Variants in SYTL5 observed in about 807,000 individuals in gnomAD.
SYTL5 encodes the protein synaptotagmin like 5, also known as synaptotagmin-like protein 5.
A neutral mutation model predicts 55.9 loss-of-function variants in SYTL5; 34 were observed. The ratio of observed to expected loss-of-function variants is 0.61; its 90% CI spans 0.46 to 0.81. The LOEUF (loss-of-function observed/expected upper bound fraction) is 0.81, where lower values mean the gene tolerates loss of function less well. Ranked by LOEUF, SYTL5 falls within the 30% of genes least tolerant of loss-of-function variation. The pLI is 0.00. For synonymous variants in SYTL5, 221 were observed against 188.7 expected (o/e 1.17, Z -1.40); for missense variants, 637 against 546.7 (o/e 1.17, Z -1.65).
At chrX:38,111,743 G>A (rs1937366086) in intron 13 of SYTL5, among the ~76,000 whole-genome samples, 1 of 111,945 alleles carries the variant, frequency 8.9e-6, no homozygotes, top group African/African-American at 3.2e-5. Context: ...CCAAATCAGT[G>A]CATTGGGCCT....
chrX:38,006,023 A>G (rs1933979466), upstream of SYTL5, among the ~76,000 whole-genome samples: 1 of 112,214 alleles, frequency 8.9e-6, no homozygotes, highest in African/African-American at 3.2e-5. Context: ...TAAAAGTCAT[A>G]CATACATAGC....
At chrX:37,891,931 C>T in the SYTL5 span, among the ~76,000 whole-genome samples, 3 of 111,483 alleles carry the variant, frequency 2.7e-5, no homozygotes, top group Non-Finnish European at 5.7e-5. Flanking sequence ...ACTTCTGCCC[C>T]AAATTGTTCA....
At chrX:38,044,405 T>G (rs73465438) in intron 2 of SYTL5, among the ~76,000 whole-genome samples, 10,981 of 111,681 alleles carry the variant, frequency 0.098, 879 homozygotes, top group Admixed American at 0.23. Context: ...TAATTTAGTT[T>G]GCACAAATTC....
chrX:38,073,567 T>C (rs761397994), intron 4 of SYTL5, 23 bp from the exon 5 acceptor site: 40 of 1,093,803 alleles, frequency 3.7e-5, no homozygotes, highest in Non-Finnish European at 4.3e-5. Context: ...TGTAAATTTC[T>C]CTTCTGATTG....
rs952884300 is a variant in SYTL5 at position 38,127,628 on chromosome X, T to C, written c.*898T>C. The C allele has an allele frequency of 8.9e-6, 1 of 112,257 alleles. No homozygotes were observed. Among genetic ancestry groups the C allele is most frequent in the African/African-American group, 3.2e-5 (1 of 30,865 alleles). 9.3% of individuals were successfully genotyped at this position (112,257 alleles called of 1,213,427 possible). A position where few individuals can be genotyped will look rare whatever the true frequency, so the allele number is the denominator to read the frequency against. On this transcript the variant is annotated 3_prime_UTR_variant, in exon 17 of 17. Transcript: ENST00000297875. ...GGAGAGAATCAAAGACTCCATCTGC[T>C]CTCTTCCCCCTTGTTTTCTCCTTCA...
chrX:37,991,887 A>T, the SYTL5 span, among the ~76,000 whole-genome samples: 1 of 112,061 alleles, frequency 8.9e-6, no homozygotes, highest in African/African-American at 3.2e-5. Context: ...TGAGACAGGG[A>T]TTATTAGCTA....
At chrX:38,077,870 A>G (rs1348604982) in intron 6 of SYTL5, among the ~76,000 whole-genome samples, 1 of 111,539 alleles carries the variant, frequency 9.0e-6, no homozygotes, top group Non-Finnish European at 1.9e-5. Context: ...AAAACTTTCT[A>G]TAAACATCTC....
the SYTL5 span, among the ~76,000 whole-genome samples, chrX:37,925,362 T>C: frequency 9.0e-6 from 1 of 111,388 alleles, no homozygotes; most frequent in Non-Finnish European, 1.9e-5. Flanking sequence ...CAGATGTCGT[T>C]TTGATATACA....
At chrX:37,957,858 G>A in the SYTL5 span, among the ~76,000 whole-genome samples, 1 of 112,246 alleles carries the variant, frequency 8.9e-6, no homozygotes, top group East Asian at 2.8e-4. Flanking sequence ...GCTTTAGGTA[G>A]TATAGGTATT....
At chrX:38,010,091 T>C (rs967834489) in intron 1 of SYTL5, among the ~76,000 whole-genome samples, 1 of 112,322 alleles carries the variant, frequency 8.9e-6, no homozygotes, top group Admixed American at 9.4e-5. Flanking sequence ...CTGCATGAAA[T>C]TGAGAAAACT....
At chrX:38,028,130 TCTC>T (rs1445650393) in intron 1 of SYTL5, among the ~76,000 whole-genome samples, 3 of 111,754 alleles carry the variant, frequency 2.7e-5, no homozygotes, top group Admixed American at 9.5e-5. Context: ...AGCCAATTCT[TCTC>T]CTCTTGAGGT....
At chrX:38,119,815 C>A (rs953764747) in intron 13 of SYTL5, among the ~76,000 whole-genome samples, 1 of 112,281 alleles carries the variant, frequency 8.9e-6, no homozygotes, top group Non-Finnish European at 1.9e-5. Context: ...TTTGAGTGAA[C>A]CACTTTCTCC....
intron 2 of SYTL5, among the ~76,000 whole-genome samples, chrX:38,035,448 G>A (rs955223616): frequency 7.2e-5 from 8 of 111,284 alleles, no homozygotes; most frequent in Admixed American, 9.5e-5. Context: ...AAAATTAGCC[G>A]GGCGTGGTGG....
chrX:38,106,575 C>T lies in SYTL5; in HGVS notation c.1156-18C>T, dbSNP rs1346629432. 9 of 1,153,860 alleles carry T rather than the reference C, an allele frequency of 7.8e-6. No homozygotes were observed. The Admixed American group carries it at 8.2e-5, about 11-fold the overall frequency. On this transcript the variant is annotated intron_variant, in intron 10 of 16. Transcript: ENST00000297875. The stretch of plus-strand genomic sequence containing the variant: ...TTAGAATGACACTAGAAGCCTTTTT[C>T]CATCTTGTTTATTCCAGACCAGCCT...
the SYTL5 span, among the ~76,000 whole-genome samples, chrX:37,892,741 A>C: frequency 2.1e-4 from 19 of 92,108 alleles, no homozygotes; most frequent in African/African-American, 7.3e-4. Context: ...TACGTATATT[A>C]GTATATATGT....
chrX:37,928,036 T>C, the SYTL5 span, among the ~76,000 whole-genome samples: 1 of 112,200 alleles, frequency 8.9e-6, no homozygotes, highest in Non-Finnish European at 1.9e-5. Flanking sequence ...TGAGTTGATA[T>C]GGAAAAGAAA....
At chrX:37,939,978 T>C in the SYTL5 span, among the ~76,000 whole-genome samples, 1 of 110,507 alleles carries the variant, frequency 9.0e-6, no homozygotes, top group Non-Finnish European at 1.9e-5. Flanking sequence ...ACTACAGGCG[T>C]GCGCCACCAT....
the SYTL5 span, among the ~76,000 whole-genome samples, chrX:37,895,834 A>G: frequency 8.9e-6 from 1 of 111,741 alleles, no homozygotes; most frequent in Non-Finnish European, 1.9e-5. Context: ...TAGAAAATAG[A>G]CTGATTCAGC....
intron 1 of SYTL5, among the ~76,000 whole-genome samples, chrX:38,009,900 C>A (rs1934120464): frequency 8.9e-6 from 1 of 112,172 alleles, no homozygotes; most frequent in South Asian, 3.7e-4. Flanking sequence ...GAGAGGAAAT[C>A]ATTTTGAACT....
Sources: allele counts gnomAD v4.1 joint callset (sites outside exome capture counted in the v4.1 genomes callset), GRCh38; gene constraint gnomAD v4.1.1; transcripts MANE v1.5; gene names NCBI Gene and HGNC (gene_info 2026-07-23, HGNC 2026-07-21).